The following KCNMA1 variants were observed in gnomAD, a reference collection of about 807,000 sequenced individuals.
KCNMA1 encodes the protein Calcium-activated potassium channel subunit alpha-1.
KCNMA1 carries 29 observed loss-of-function variants against 140.0 expected under a neutral mutation model. The ratio of observed to expected loss-of-function variants is 0.21; its 90% CI spans 0.15 to 0.28. KCNMA1 has a LOEUF of 0.28. Among genes scored for constraint, KCNMA1 ranks in the 10% least tolerant of loss-of-function variants. KCNMA1 has a pLI of 1.00. For missense variants in KCNMA1, 880 were observed against 1,602.2 expected, an observed-to-expected ratio of 0.55 and a Z score of 7.70; for synonymous variants, 612 against 611.9, an observed-to-expected ratio of 1.00 and a Z score of 0.00.
chr10:77,082,002 CTTTTCTTTTTTTTTTTTTTT>C lies in KCNMA1; in HGVS notation c.1524-2472_1524-2453del, dbSNP rs1335242766. 2.0e-3 allele frequency among the ~76,000 whole-genome samples: 103 copies of C among 51,696 alleles called. 3 individuals are homozygous for C. Among genetic ancestry groups the C allele is most frequent in the Non-Finnish European group, 2.6e-3 (57 of 21,714 alleles). 33.9% of individuals were successfully genotyped at this position (51,696 alleles called of 152,430 possible). On this transcript the variant is annotated intron_variant, in intron 12 of 27. Coordinates refer to ENST00000286628, the MANE Select transcript of KCNMA1 (RefSeq NM_001161352.2). ...CCTTTGACCAGTAATTTCTTTTTTT[CTTTTCTTTTTTTTTTTTTTT>C]TTTTTTTTTTTTTTTTTTTTAAGAC...
intron 9 of KCNMA1, among the ~76,000 whole-genome samples, chr10:77,101,641 G>T (rs2097100506): frequency 6.6e-6 from 1 of 152,178 alleles, no homozygotes; most frequent in Non-Finnish European, 1.5e-5. Context: ...AATGAGGGCT[G>T]AATGGCTACT....
intron 14 of KCNMA1, among the ~76,000 whole-genome samples, chr10:77,041,654 C>T (rs920235319): frequency 6.6e-6 from 1 of 152,196 alleles, no homozygotes; most frequent in Non-Finnish European, 1.5e-5. Context: ...GAACGTTGAG[C>T]CGCTATGGGA....
chr10:77,633,480 T>C (rs2093426460), intron 1 of KCNMA1, among the ~76,000 whole-genome samples: 1 of 152,104 alleles, frequency 6.6e-6, no homozygotes, highest in South Asian at 2.1e-4. Flanking sequence ...CAAGGTCATC[T>C]GGTGCAGCCA....
intron 5 of KCNMA1, among the ~76,000 whole-genome samples, chr10:77,177,335 TTCC>T (rs1186983152): frequency 6.6e-6 from 1 of 150,824 alleles, no homozygotes; most frequent in Non-Finnish European, 1.5e-5. Context: ...TTTTCCTTCC[TTCC>T]TTTCTTCCTT....
chr10:77,216,407 G>A (rs888348044), intron 3 of KCNMA1, among the ~76,000 whole-genome samples: 3 of 152,104 alleles, frequency 2.0e-5, no homozygotes, highest in Admixed American at 6.5e-5. Flanking sequence ...TGAGAGAAGC[G>A]GGAGGAAGAG....
At chr10:77,434,198 C>G (rs1418690241) in intron 1 of KCNMA1, among the ~76,000 whole-genome samples, 1 of 152,238 alleles carries the variant, frequency 6.6e-6, no homozygotes, top group African/African-American at 2.4e-5. Flanking sequence ...GGCCTTGGCA[C>G]ATCTAGACAT....
intron 1 of KCNMA1, among the ~76,000 whole-genome samples, chr10:77,476,217 A>C (rs1166030151): frequency 3.3e-5 from 5 of 152,210 alleles, no homozygotes; most frequent in Non-Finnish European, 7.3e-5. Context: ...GGAATGCACC[A>C]AAGGACAATT....
At chr10:77,449,830 G>C (rs1460510727) in intron 1 of KCNMA1, among the ~76,000 whole-genome samples, 1 of 151,944 alleles carries the variant, frequency 6.6e-6, no homozygotes, top group African/African-American at 2.4e-5. Flanking sequence ...TTTTAGTAGA[G>C]ACGGGGTTTC....
intron 1 of KCNMA1, among the ~76,000 whole-genome samples, chr10:77,529,042 C>A (rs955767678): frequency 5.3e-5 from 8 of 152,050 alleles, no homozygotes; most frequent in African/African-American, 1.9e-4. Flanking sequence ...TGGTTGTATA[C>A]TTAAAATCTC....
intron 1 of KCNMA1, among the ~76,000 whole-genome samples, chr10:77,579,522 C>T (rs771548443): frequency 1.3e-5 from 2 of 151,988 alleles, no homozygotes; most frequent in South Asian, 2.1e-4. Flanking sequence ...GTTCATATGT[C>T]GAAAATATAA....
chr10:77,570,479 T>C (rs1442342940), intron 1 of KCNMA1, among the ~76,000 whole-genome samples: 7 of 147,686 alleles, frequency 4.7e-5, no homozygotes, highest in Non-Finnish European at 8.9e-5. Context: ...CAGTAAACTA[T>C]CTCAAGAACA....
chr10:77,521,526 C>T (rs1045067358), intron 1 of KCNMA1, among the ~76,000 whole-genome samples: 3 of 152,206 alleles, frequency 2.0e-5, no homozygotes, highest in Non-Finnish European at 2.9e-5. Flanking sequence ...CTCTCTGTGC[C>T]TCAGTTTCCT....
chr10:76,942,374 T>C (rs540348789), intron 23 of KCNMA1, among the ~76,000 whole-genome samples: 1 of 152,330 alleles, frequency 6.6e-6, no homozygotes, highest in Non-Finnish European at 1.5e-5. Flanking sequence ...AGGATTTCAA[T>C]GTATGTATTT....
intron 2 of KCNMA1, among the ~76,000 whole-genome samples, chr10:77,362,430 T>C (rs553509412): frequency 7.0e-6 from 1 of 143,076 alleles, no homozygotes; most frequent in South Asian, 2.3e-4. Context: ...CAGAAAGATT[T>C]GCATTCAAAT....
At chr10:77,157,852 C>T (rs2098506310) in intron 5 of KCNMA1, among the ~76,000 whole-genome samples, 1 of 152,186 alleles carries the variant, frequency 6.6e-6, no homozygotes, top group African/African-American at 2.4e-5. Flanking sequence ...AGGATCACAG[C>T]AGTGAGCTCT....
chr10:77,413,972 T>C (rs2096677942), intron 1 of KCNMA1, among the ~76,000 whole-genome samples: 1 of 152,174 alleles, frequency 6.6e-6, no homozygotes, highest in Non-Finnish European at 1.5e-5. Flanking sequence ...ATTGAGGCAT[T>C]TTTAGCCATT....
intron 18 of KCNMA1, 49 bp from the exon 19 acceptor site, chr10:77,001,629 G>A: frequency 1.4e-6 from 2 of 1,470,820 alleles, no homozygotes; most frequent in African/African-American, 1.4e-5. Context: ...GCAATTAATG[G>A]CAAGGTCACA....
At chr10:77,452,912 A>AT (rs1443813235) in intron 1 of KCNMA1, among the ~76,000 whole-genome samples, 1 of 152,174 alleles carries the variant, frequency 6.6e-6, no homozygotes, top group Non-Finnish European at 1.5e-5. Flanking sequence ...GCGGCATCTC[A>AT]TTTAAGGGTG....
At chr10:77,235,849 C>T (rs2154215131) in intron 3 of KCNMA1, among the ~76,000 whole-genome samples, 1 of 152,262 alleles carries the variant, frequency 6.6e-6, no homozygotes, top group Non-Finnish European at 1.5e-5. Context: ...ATTAACTTTG[C>T]CCAAAGAGAG....
Sources: allele counts gnomAD v4.1 joint callset (sites outside exome capture counted in the v4.1 genomes callset), GRCh38; gene constraint gnomAD v4.1.1; transcripts MANE v1.5; gene names NCBI Gene and HGNC (gene_info 2026-07-23, HGNC 2026-07-21).